RNGTT: variants seen among roughly 807,000 people sequenced by gnomAD.
RNGTT encodes mRNA-capping enzyme.
RNGTT carries 33 observed loss-of-function variants against 79.3 expected under a neutral mutation model. The ratio of observed to expected loss-of-function variants is 0.42; its 90% CI spans 0.32 to 0.56. The LOEUF is 0.56. Among genes scored for constraint, RNGTT ranks in the 20% least tolerant of loss-of-function variants. The pLI, the probability that RNGTT is intolerant of heterozygous loss-of-function variation, is 0.17. For synonymous variants in RNGTT, 222 were observed against 235.9 expected (o/e 0.94, Z 0.54); for missense variants, 497 against 739.1 (o/e 0.67, Z 3.80).
chr6:88,616,258 G>A (rs1297932667), intron 14 of RNGTT, among the ~76,000 whole-genome samples: 2 of 152,306 alleles, frequency 1.3e-5, no homozygotes, highest in East Asian at 3.9e-4. Context: ...ATCTGTCAAT[G>A]GACACGTGGG....
chr6:88,860,179 A>C (rs1431287127), intron 8 of RNGTT, among the ~76,000 whole-genome samples: 1 of 152,242 alleles, frequency 6.6e-6, no homozygotes, highest in Admixed American at 6.5e-5. Flanking sequence ...AAGATATTCA[A>C]GTTGCAGACT....
rs577216388 is a variant in RNGTT at position 88,714,724 on chromosome 6, G to C, written c.1440-36305C>G. Among the ~76,000 whole-genome samples the C allele has an allele frequency of 4.1e-4, 37 of 89,796 alleles. 4 individuals carry two copies. The highest frequency in any genetic ancestry group is 3.1e-4 in the Non-Finnish European group (16 of 52,454). The allele number at this position is 89,796 out of a possible 152,430, so 58.9% of individuals were successfully genotyped here. On this transcript the variant is annotated intron_variant, in intron 13 of 15. Coordinates refer to ENST00000369485, the MANE Select transcript of RNGTT (RefSeq NM_003800.5). ...CCCAAAGTGCTGGGATTACAGGCGT[G>C]AGCCACCGCGCCCGGCCTAAAAGTA...
chr6:88,785,429 C>T (rs1779197332), intron 12 of RNGTT, among the ~76,000 whole-genome samples: 1 of 151,920 alleles, frequency 6.6e-6, no homozygotes, highest in African/African-American at 2.4e-5. Context: ...TGATGTTTTG[C>T]TTTTTCTTCC....
Position 88,612,482 on chromosome 6 carries a change from A to G in RNGTT, c.*237T>C, listed in dbSNP as rs1006102331. The G allele has an allele frequency of 2.5e-6, 1 of 406,102 alleles. No individual in the cohort carries two copies. The highest frequency in any genetic ancestry group is 4.4e-6 in the Non-Finnish European group (1 of 226,152). 25.2% of individuals were successfully genotyped at this position (406,102 alleles called of 1,614,324 possible). ...TTCAATCTTCAGATTCCACAAGGTAAGGCTGAGTTTATCAGATAAATAAGA... is the reference window on the plus strand; with the variant it reads ...TTCAATCTTCAGATTCCACAAGGTAGGGCTGAGTTTATCAGATAAATAAGA... On this transcript the variant is annotated 3_prime_UTR_variant, in exon 16 of 16. Coordinates refer to ENST00000369485, the MANE Select transcript of RNGTT (RefSeq NM_003800.5).
intron 14 of RNGTT, among the ~76,000 whole-genome samples, chr6:88,659,134 A>G (rs1247641312): frequency 6.6e-6 from 1 of 152,206 alleles, no homozygotes; most frequent in Non-Finnish European, 1.5e-5. Flanking sequence ...CTGTGGGATA[A>G]AAGAATCTGA....
chr6:88,690,040 G>A (rs747197161), intron 13 of RNGTT, among the ~76,000 whole-genome samples: 28 of 152,132 alleles, frequency 1.8e-4, no homozygotes, highest in Middle Eastern at 6.8e-3. Flanking sequence ...GCCAAAAAAT[G>A]CAAAAGACCC....
intron 2 of RNGTT, among the ~76,000 whole-genome samples, chr6:88,938,666 G>T (rs183778233): frequency 6.6e-6 from 1 of 152,128 alleles, no homozygotes; most frequent in Admixed American, 6.5e-5. Context: ...GGTAACATTT[G>T]AGTTTTTCCC....
chr6:88,682,325 T>C lies in RNGTT; in HGVS notation c.1440-3906A>G, dbSNP rs4141884. Reference sequence around the variant, plus strand: ...CAACAAAATACCTTGAAACAACTTATAGCACCTTGAATACTGACTTACATA... The same window carrying C: ...CAACAAAATACCTTGAAACAACTTACAGCACCTTGAATACTGACTTACATA... On this transcript the variant is annotated intron_variant, in intron 13 of 15. Coordinates refer to ENST00000369485, the MANE Select transcript of RNGTT (RefSeq NM_003800.5). Among the ~76,000 whole-genome samples the C allele has an allele frequency of 9.4e-3, 1,434 of 152,316 alleles. 64 individuals carry two copies. The highest frequency in any genetic ancestry group is 0.074 in the Admixed American group (1,137 of 15,292).
At chr6:88,643,008 C>A (rs912942229) in intron 14 of RNGTT, among the ~76,000 whole-genome samples, 6 of 152,090 alleles carry the variant, frequency 3.9e-5, no homozygotes, top group Admixed American at 2.6e-4. Context: ...CCTTGACTTA[C>A]AATACAGTTA....
At chr6:88,663,748 G>A (rs1433272648) in intron 14 of RNGTT, among the ~76,000 whole-genome samples, 1 of 152,150 alleles carries the variant, frequency 6.6e-6, no homozygotes, top group African/African-American at 2.4e-5. Context: ...CCCTCCCTTG[G>A]CAGCTTGCTT....
chr6:88,674,903 TC>T (rs1774802807), intron 14 of RNGTT, among the ~76,000 whole-genome samples: 2 of 151,662 alleles, frequency 1.3e-5, no homozygotes, highest in Admixed American at 1.3e-4. Flanking sequence ...TCAAGACCAG[TC>T]TGGCCAACAT....
intron 12 of RNGTT, among the ~76,000 whole-genome samples, chr6:88,773,124 G>A (rs1778748770): frequency 1.3e-5 from 2 of 148,904 alleles, no homozygotes; most frequent in Non-Finnish European, 3.0e-5. Context: ...TATACACCAT[G>A]GAATACTATG....
intron 14 of RNGTT, among the ~76,000 whole-genome samples, chr6:88,660,974 G>A (rs982302551): frequency 6.6e-6 from 1 of 152,092 alleles, no homozygotes; most frequent in Non-Finnish European, 1.5e-5. Context: ...TACTTTCTCA[G>A]ACCACAGTGG....
At chr6:88,614,529 A>C in intron 14 of RNGTT, 134 bp from the exon 15 acceptor site, 1 of 788,304 alleles carries the variant, frequency 1.3e-6, no homozygotes, top group Non-Finnish European at 2.0e-6. Context: ...TTGTCATCTG[A>C]AGTATCTAAT....
chr6:88,633,182 CCTT>C (rs1335928701), intron 14 of RNGTT, among the ~76,000 whole-genome samples: 4 of 152,034 alleles, frequency 2.6e-5, no homozygotes, highest in Non-Finnish European at 4.4e-5. Flanking sequence ...ATGGTAAGCT[CCTT>C]GAGTGAACAA....
At chr6:88,641,635 A>C (rs548779042) in intron 14 of RNGTT, among the ~76,000 whole-genome samples, 1 of 152,338 alleles carries the variant, frequency 6.6e-6, no homozygotes, top group South Asian at 2.1e-4. Flanking sequence ...GCTAAGTTGG[A>C]AAGAGAAGTA....
intron 12 of RNGTT, among the ~76,000 whole-genome samples, chr6:88,772,655 C>T (rs1298755926): frequency 1.3e-5 from 2 of 151,956 alleles, no homozygotes; most frequent in Non-Finnish European, 2.9e-5. Flanking sequence ...AAAAAGTGGC[C>T]GAAGGACATG....
rs531785731 is a variant in RNGTT at position 88,772,569 on chromosome 6, T to C, written c.1339-2695A>G. Among the ~76,000 whole-genome samples, 359 of 151,830 alleles carry C rather than the reference T, an allele frequency of 2.4e-3. 1 individual carries two copies. Among genetic ancestry groups the C allele is most frequent in the African/African-American group, 8.1e-3 (337 of 41,410 alleles). ...AATGGGAGAAAATTTTCGCAACCTATTCATCTGACAAAGGGCTAATATCCA... is the reference window on the plus strand; with the variant it reads ...AATGGGAGAAAATTTTCGCAACCTACTCATCTGACAAAGGGCTAATATCCA... On this transcript the variant is annotated intron_variant, in intron 12 of 15. Transcript: ENST00000369485.
chr6:88,699,594 G>C (rs950099513), intron 13 of RNGTT, among the ~76,000 whole-genome samples: 4 of 152,144 alleles, frequency 2.6e-5, no homozygotes, highest in Non-Finnish European at 4.4e-5. Context: ...GAGCCTAGGA[G>C]GCTGAGGCTG....
Sources: gnomAD v4.1 joint callset for allele counts (sites outside exome capture counted in the v4.1 genomes callset) on GRCh38, gnomAD v4.1.1 for gene constraint, MANE v1.5 for transcripts, NCBI Gene and HGNC (gene_info 2026-07-23, HGNC 2026-07-21) for gene names.